The following MARCHF10 variants were observed in gnomAD, a reference collection of about 807,000 sequenced individuals.
The protein encoded by MARCHF10 is probable E3 ubiquitin-protein ligase MARCHF10.
MARCHF10 carries 64 observed loss-of-function variants against 76.2 expected under a neutral mutation model. The observed-to-expected ratio is 0.84, with a 90% CI of 0.69 to 1.03. MARCHF10 has a LOEUF of 1.03. Among genes scored for constraint, MARCHF10 ranks in the 50% least tolerant of loss-of-function variants. MARCHF10 has a pLI of 0.00. For synonymous variants in MARCHF10, 340 were observed against 357.5 expected (o/e 0.95, Z 0.55); for missense variants, 875 against 958.0 (o/e 0.91, Z 1.14).
intron 6 of MARCHF10, among the ~76,000 whole-genome samples, chr17:62,727,166 C>T (rs2147740675): frequency 6.6e-6 from 1 of 152,282 alleles, no homozygotes; most frequent in East Asian, 1.9e-4. Context: ...GGACGAAGGG[C>T]TCTGTGGTGA....
intron 3 of MARCHF10, among the ~76,000 whole-genome samples, chr17:62,775,860 A>G (rs1291870271): frequency 6.6e-6 from 1 of 152,072 alleles, no homozygotes; most frequent in East Asian, 1.9e-4. Context: ...TCTGTCTCCC[A>G]GGCTGAAATG....
intron 3 of MARCHF10, 41 bp from the exon 4 acceptor site, chr17:62,760,047 A>C (rs765323265): frequency 1.9e-6 from 3 of 1,569,344 alleles, no homozygotes; most frequent in Non-Finnish European, 2.6e-6. Context: ...GTGGCCAAGT[A>C]GGTCAACTTT....
intron 4 of MARCHF10, among the ~76,000 whole-genome samples, chr17:62,749,561 T>C (rs1002339476): frequency 2.6e-5 from 4 of 152,194 alleles, no homozygotes; most frequent in Non-Finnish European, 5.9e-5. Context: ...TCACAAATAA[T>C]AGGTCGCGTC....
chr17:62,759,414 G>A (rs1395326669), intron 4 of MARCHF10, among the ~76,000 whole-genome samples: 2 of 152,150 alleles, frequency 1.3e-5, no homozygotes, highest in African/African-American at 4.8e-5. Flanking sequence ...CTGGCCTTTC[G>A]AAACCTGAAT....
At chr17:62,791,599 G>A (rs1248363259) in intron 2 of MARCHF10, among the ~76,000 whole-genome samples, 1 of 152,172 alleles carries the variant, frequency 6.6e-6, no homozygotes, top group Non-Finnish European at 1.5e-5. Context: ...CAGTGGCAAG[G>A]CAGGTACTTA....
At chr17:62,802,104 C>G (rs532626227) in intron 1 of MARCHF10, among the ~76,000 whole-genome samples, 9 of 152,270 alleles carry the variant, frequency 5.9e-5, no homozygotes, top group African/African-American at 2.2e-4. Flanking sequence ...AGTTACAGGC[C>G]CCTGGTTACT....
chr17:62,764,011 G>A (rs73335774), intron 3 of MARCHF10, among the ~76,000 whole-genome samples: 3,244 of 152,214 alleles, frequency 0.021, 121 homozygotes, highest in African/African-American at 0.072. Context: ...AACTGGGTAA[G>A]TAGCATTGGG....
intron 5 of MARCHF10, chr17:62,737,668 C>T (rs2091334919): frequency 4.1e-6 from 1 of 246,234 alleles, no homozygotes. Context: ...GCTTTTGTTC[C>T]ATACGTACTG....
At chr17:62,763,637 C>A (rs915544135) in intron 3 of MARCHF10, among the ~76,000 whole-genome samples, 4 of 152,086 alleles carry the variant, frequency 2.6e-5, no homozygotes, top group African/African-American at 9.7e-5. Context: ...GAGGTGGAGG[C>A]AACAGCACAC....
At chr17:62,764,092 A>G (rs1343217922) in intron 3 of MARCHF10, among the ~76,000 whole-genome samples, 4 of 152,112 alleles carry the variant, frequency 2.6e-5, no homozygotes, top group African/African-American at 9.7e-5. Context: ...GAGAAGGGGG[A>G]TGAATCTCCT....
intron 2 of MARCHF10, among the ~76,000 whole-genome samples, chr17:62,790,087 T>G (rs2092817096): frequency 6.6e-6 from 1 of 152,158 alleles, no homozygotes; most frequent in South Asian, 2.1e-4. Context: ...TACCAAAATA[T>G]TTCTCCTGTA....
intron 2 of MARCHF10, among the ~76,000 whole-genome samples, chr17:62,799,056 G>A (rs1384217818): frequency 6.6e-6 from 1 of 152,196 alleles, no homozygotes; most frequent in African/African-American, 2.4e-5. Context: ...GGAGTTCTTT[G>A]TTGAAACTAT....
chr17:62,729,118 T>A (rs1049426718), intron 6 of MARCHF10, among the ~76,000 whole-genome samples: 6 of 152,218 alleles, frequency 3.9e-5, no homozygotes, highest in African/African-American at 1.4e-4. Flanking sequence ...TATTTATTTT[T>A]TTTTTGTAGA....
intron 1 of MARCHF10, chr17:62,806,784 AT>A (rs1308168186): frequency 2.0e-5 from 3 of 152,218 alleles, no homozygotes; most frequent in Non-Finnish European, 4.4e-5. Context: ...ACAGAATCTG[AT>A]TGCAGAATGT....
intron 3 of MARCHF10, among the ~76,000 whole-genome samples, chr17:62,762,604 T>C (rs2092234644): frequency 6.6e-6 from 1 of 152,200 alleles, no homozygotes; most frequent in Admixed American, 6.5e-5. Flanking sequence ...TGGAGTGCAA[T>C]AGCGCGATCT....
At chr17:62,746,640 A>G (rs894400271) in intron 4 of MARCHF10, among the ~76,000 whole-genome samples, 4 of 152,032 alleles carry the variant, frequency 2.6e-5, no homozygotes, top group African/African-American at 9.7e-5. Context: ...CTGCTTTCCA[A>G]CTCATGGAGA....
intron 5 of MARCHF10, among the ~76,000 whole-genome samples, chr17:62,740,824 C>T (rs1239268470): frequency 6.6e-6 from 1 of 152,104 alleles, no homozygotes; most frequent in Non-Finnish European, 1.5e-5. Flanking sequence ...GATGGGGTCT[C>T]ACTTTGTTGC....
At chr17:62,766,290 T>C (rs4968633) in intron 3 of MARCHF10, among the ~76,000 whole-genome samples, 75,444 of 151,916 alleles carry the variant, frequency 0.5, 20,283 homozygotes, top group East Asian at 0.7. Flanking sequence ...CACCTGAGGT[T>C]GGGAGTTCAA....
chr17:62,707,053 C>G (rs1190961112), intron 9 of MARCHF10, among the ~76,000 whole-genome samples: 1 of 152,202 alleles, frequency 6.6e-6, no homozygotes, highest in East Asian at 1.9e-4. Flanking sequence ...GTCCCTCACC[C>G]CAGACCCAGC....
Sources: allele counts gnomAD v4.1 joint callset (sites outside exome capture counted in the v4.1 genomes callset), GRCh38; gene constraint gnomAD v4.1.1; transcripts MANE v1.5; gene names NCBI Gene and HGNC (gene_info 2026-07-23, HGNC 2026-07-21).